The following ATP8A1 variants were observed in gnomAD, a reference collection of about 807,000 sequenced individuals.
ATP8A1 encodes the protein phospholipid-transporting ATPase IA.
In ATP8A1, 90 loss-of-function variants were observed where a neutral mutation model predicts 177.7. The observed-to-expected ratio is 0.51, with a 90% confidence interval of 0.43 to 0.60. The LOEUF (loss-of-function observed/expected upper bound fraction) is 0.60, where lower values mean the gene tolerates loss of function less well. ATP8A1 is among the 20% of genes least tolerant of loss of function. The pLI is 0.00. For synonymous variants in ATP8A1, 493 were observed against 485.9 expected (o/e 1.01, Z -0.19); for missense variants, 1,072 against 1,392.8 (o/e 0.77, Z 3.67).
chr4:42,476,874 G>A (rs1196639188), intron 25 of ATP8A1, among the ~76,000 whole-genome samples: 1 of 152,128 alleles, frequency 6.6e-6, no homozygotes, highest in East Asian at 1.9e-4. Context: ...AAAAAGAGAA[G>A]AAACCCAACA....
intron 16 of ATP8A1, 28 bp from the exon 17 acceptor site, chr4:42,552,638 C>T (rs186844193): frequency 1.3e-6 from 2 of 1,522,550 alleles, no homozygotes; most frequent in East Asian, 2.3e-5. Context: ...ATAATTTAAG[C>T]CCTTCTCATG....
At chr4:42,569,251 C>A in intron 14 of ATP8A1, 46 bp from the exon 15 acceptor site, 1 of 1,508,960 alleles carries the variant, frequency 6.6e-7, no homozygotes, top group South Asian at 1.2e-5. Flanking sequence ...AAAATAATCA[C>A]AGAAAGGCTG....
At chr4:42,542,657 A>G (rs1001777376) in intron 20 of ATP8A1, among the ~76,000 whole-genome samples, 1 of 151,722 alleles carries the variant, frequency 6.6e-6, no homozygotes, top group African/African-American at 2.4e-5. Flanking sequence ...TCATTGCTCA[A>G]CTCCTACTTA....
chr4:42,556,094 T>C, intron 15 of ATP8A1, 54 bp from the exon 16 acceptor site: 1 of 1,290,012 alleles, frequency 7.8e-7, no homozygotes, highest in Non-Finnish European at 1.1e-6. Context: ...AGCCCACTGA[T>C]CTATTTGTTA....
At chr4:42,593,396 T>C (rs1478145122) in intron 6 of ATP8A1, among the ~76,000 whole-genome samples, 1 of 152,044 alleles carries the variant, frequency 6.6e-6, no homozygotes, top group Non-Finnish European at 1.5e-5. Context: ...TGGCACAAAA[T>C]TATAGAAATA....
chr4:42,542,031 T>C (rs943176511), intron 20 of ATP8A1, among the ~76,000 whole-genome samples: 1 of 152,088 alleles, frequency 6.6e-6, no homozygotes, highest in African/African-American at 2.4e-5. Context: ...AGGGTTTGAG[T>C]GATAATGATG....
intron 15 of ATP8A1, among the ~76,000 whole-genome samples, chr4:42,566,969 C>T (rs1400717941): frequency 6.6e-6 from 1 of 152,232 alleles, no homozygotes; most frequent in African/African-American, 2.4e-5. Flanking sequence ...ACAAACAGAG[C>T]TCATCTAATC....
intron 1 of ATP8A1, among the ~76,000 whole-genome samples, chr4:42,644,762 C>T (rs1331116205): frequency 6.6e-6 from 1 of 151,788 alleles, no homozygotes; most frequent in African/African-American, 2.4e-5. Context: ...ATATTGGCCT[C>T]ATCTCAGCAA....
intron 7 of ATP8A1, among the ~76,000 whole-genome samples, chr4:42,589,827 CA>C (rs1351115655): frequency 6.8e-6 from 1 of 146,390 alleles, no homozygotes; most frequent in Non-Finnish European, 1.5e-5. Flanking sequence ...CATATTCTGA[CA>C]ATTAGAATAA....
chr4:42,549,352 A>G (rs1042435665), intron 18 of ATP8A1, among the ~76,000 whole-genome samples: 3 of 152,220 alleles, frequency 2.0e-5, no homozygotes, highest in Admixed American at 2.0e-4. Flanking sequence ...TGTCGTAAGG[A>G]AAGAACTGCC....
chr4:42,560,270 C>G (rs555769535), intron 15 of ATP8A1, among the ~76,000 whole-genome samples: 1 of 152,242 alleles, frequency 6.6e-6, no homozygotes, highest in South Asian at 2.1e-4. Flanking sequence ...ATTAGTCACA[C>G]AGGCTGTCTT....
chr4:42,527,786 CAG>C (rs770973530), intron 20 of ATP8A1, among the ~76,000 whole-genome samples: 2 of 152,098 alleles, frequency 1.3e-5, no homozygotes, highest in Non-Finnish European at 2.9e-5. Flanking sequence ...GTTACAAAAA[CAG>C]AGAATCACAG....
intron 25 of ATP8A1, among the ~76,000 whole-genome samples, chr4:42,468,345 C>T (rs932327608): frequency 3.0e-4 from 45 of 151,946 alleles, no homozygotes; most frequent in African/African-American, 1.0e-3. Context: ...CATCAATCAA[C>T]AAGCGGATAA....
chr4:42,458,993 G>T (rs1305413963), intron 27 of ATP8A1, among the ~76,000 whole-genome samples: 1 of 152,220 alleles, frequency 6.6e-6, no homozygotes, highest in Non-Finnish European at 1.5e-5. Context: ...TTCATTCACA[G>T]TATTGACATG....
Position 42,590,890 on chromosome 4 carries a change from CG to C in ATP8A1, c.451-7del, listed in dbSNP as rs1734100597. On this transcript the variant is annotated splice_polypyrimidine_tract_variant and splice_region_variant and intron_variant, in intron 6 of 36. Transcript: ENST00000381668. ...ACTATCTCCCCTACTGCCACCTACA[CG>C]TCCCAGTATAAAATAATTAAAATGG... 5 of 1,603,492 alleles carry C rather than the reference CG, an allele frequency of 3.1e-6. No individual in the cohort carries two copies. In the African/African-American group the frequency reaches 6.9e-5, roughly 22 times the overall value.
intron 33 of ATP8A1, among the ~76,000 whole-genome samples, chr4:42,436,075 G>C (rs1560321388): frequency 6.6e-6 from 1 of 152,170 alleles, no homozygotes; most frequent in Non-Finnish European, 1.5e-5. Context: ...TTTATGGAAT[G>C]AATGAATGCG....
At chr4:42,479,747 A>C (rs971394203) in intron 25 of ATP8A1, among the ~76,000 whole-genome samples, 4 of 152,204 alleles carry the variant, frequency 2.6e-5, no homozygotes, top group African/African-American at 9.7e-5. Context: ...ATGTTTATTC[A>C]AAGTTAGTAT....
intron 4 of ATP8A1, among the ~76,000 whole-genome samples, chr4:42,622,216 G>GA (rs3046095): frequency 0.02 from 2,752 of 137,694 alleles, 63 homozygotes; most frequent in African/African-American, 0.06. Flanking sequence ...TCTCTACTAG[G>GA]AAAAAAAAAA....
At chr4:42,471,855 C>T in intron 25 of ATP8A1, 1 of 596,814 alleles carries the variant, frequency 1.7e-6, no homozygotes, top group Non-Finnish European at 3.3e-6. Flanking sequence ...CAGCGAGACG[C>T]CAAACGAGTT....
Sources: allele counts gnomAD v4.1 joint callset (sites outside exome capture counted in the v4.1 genomes callset), GRCh38; gene constraint gnomAD v4.1.1; transcripts MANE v1.5; gene names NCBI Gene and HGNC (gene_info 2026-07-23, HGNC 2026-07-21).